CHRNB4: variants seen among roughly 807,000 people sequenced by gnomAD.
CHRNB4 encodes the protein cholinergic receptor nicotinic beta 4 subunit.
Under a neutral mutation model 40.4 loss-of-function variants are expected in CHRNB4, and 23 were observed. The observed-to-expected ratio is 0.57, with a 90% CI of 0.41 to 0.81. CHRNB4 has a LOEUF of 0.81. Among genes scored for constraint, CHRNB4 ranks in the 30% least tolerant of loss-of-function variants. The pLI is 0.00. For missense variants in CHRNB4, 568 were observed against 670.6 expected, an observed-to-expected ratio of 0.85 and a Z score of 1.69; for synonymous variants, 285 against 274.4, an observed-to-expected ratio of 1.04 and a Z score of -0.38.
At chr15:78,631,358 T>C (rs780365404) in intron 2 of CHRNB4, 26 bp from the exon 3 acceptor site, 1 of 1,610,364 alleles carries the variant, frequency 6.2e-7, no homozygotes, top group Non-Finnish European at 8.5e-7. Context: ...GGGCTATCAG[T>C]TCACCAGGAA....
At chr15:78,630,938 C>A in intron 4 of CHRNB4, 138 bp downstream of exon 4, 1 of 682,654 alleles carries the variant, frequency 1.5e-6, no homozygotes, top group Non-Finnish European at 2.6e-6. Flanking sequence ...CTCTGTTTCT[C>A]TTCTAGCTTG....
chr15:78,657,628 A>T (rs1387929664), intron 2 of CHRNB4, among the ~76,000 whole-genome samples: 2 of 150,692 alleles, frequency 1.3e-5, no homozygotes, highest in Non-Finnish European at 3.0e-5. Flanking sequence ...ATCTCGGCTC[A>T]CTGCAAGCTC....
rs764589144 is a variant in CHRNB4, at chr15:78,625,156, G to A, written c.1474C>T (p.Pro492Ser). The change falls in exon 6 of 6, where the codon CCC (proline) becomes TCC (serine). Residue 492 changes from proline (P) to serine (S), a missense_variant. Physicochemically the swap from Pro to Ser is moderately conservative, Grantham distance 74 (BLOSUM62 -1). This residue lies in a region of CHRNB4 where 242 missense variants were observed against 274.9 expected (regional missense o/e 0.88). Transcript: ENST00000261751. ...LFQTHAASEG[P>S]YAAQRD Reference sequence around the variant, plus strand: ...CCTCAGTCACGCTGGGCAGCGTAGGGCCCCTCAGAAGCTGCATGGGTCTGG... The same window carrying A: ...CCTCAGTCACGCTGGGCAGCGTAGGACCCCTCAGAAGCTGCATGGGTCTGG... 6.2e-6 allele frequency: 10 copies of A among 1,613,936 alleles called. No individual in the cohort carries two copies. Among genetic ancestry groups the A allele is most frequent in the African/African-American group, 2.7e-5 (2 of 74,924 alleles).
intron 5 of CHRNB4, chr15:78,627,578 C>T (rs1449776864): frequency 6.6e-6 from 1 of 152,144 alleles, no homozygotes; most frequent in African/African-American, 2.4e-5. Flanking sequence ...AAGAATGAGA[C>T]GTCCACTTTT....
upstream of CHRNB4, among the ~76,000 whole-genome samples, chr15:78,642,283 A>C (rs1056639799): frequency 2.0e-5 from 3 of 152,274 alleles, no homozygotes; most frequent in South Asian, 6.2e-4. Context: ...GATTGAGGGC[A>C]TCCTCTCTTC....
chr15:78,635,609 C>A (rs2053933110), intron 1 of CHRNB4, 22 bp from the exon 2 acceptor site: 1 of 1,612,882 alleles, frequency 6.2e-7, no homozygotes, highest in Non-Finnish European at 8.5e-7. Context: ...CACAGTCAGA[C>A]CTGCTGGGCC....
chr15:78,653,302 C>T (rs1274804060), intron 5 of CHRNB4, among the ~76,000 whole-genome samples: 1 of 152,166 alleles, frequency 6.6e-6, no homozygotes, highest in African/African-American at 2.4e-5. Context: ...CTAAAGGGTT[C>T]ACTCTACCTT....
chr15:78,636,238 A>G (rs907466963), intron 1 of CHRNB4, among the ~76,000 whole-genome samples: 5 of 151,812 alleles, frequency 3.3e-5, no homozygotes, highest in African/African-American at 1.2e-4. Flanking sequence ...CAAGTCCCTC[A>G]GTCTGTTCTC....
In CHRNB4 at chr15:78,629,011, T is replaced by C. The variant is rs201647462; in HGVS notation, c.1294A>G (p.Ser432Gly). Residue 432 changes from serine (S) to glycine (G), a missense_variant, in exon 5 of 6, where the codon AGC (serine) becomes GGC (glycine). Ser to Gly is a moderately conservative substitution (Grantham distance 56). Transcript: ENST00000261751. The surrounding 1 kb of genome is among the most constrained non-coding windows in gnomAD (Gnocchi z 6.8). ...QDVQEALEGV[S>G]FIAQHMKNDD... ...TTCTTCATGTGCTGGGCGATGAAGC[T>C]GACACCTTCTAATGCCTCCTGCACA... The C allele has an allele frequency of 4.3e-6, 7 of 1,614,146 alleles. No homozygotes were observed. In the East Asian group the frequency reaches 1.6e-4, roughly 36 times the overall value.
intron 7 of CHRNB4, among the ~76,000 whole-genome samples, chr15:78,646,420 A>G (rs79963805): frequency 8.7e-4 from 133 of 152,366 alleles, no homozygotes; most frequent in Non-Finnish European, 1.4e-3. Context: ...AAGCATTTAG[A>G]AGCAAACATA....
In CHRNB4 at chr15:78,631,170, G is replaced by T; in HGVS notation, c.265C>A (p.Arg89Ser). Reference protein sequence around the residue: ...VWLKQEWTDYRLTWNSSRYEG... With the variant: ...VWLKQEWTDYSLTWNSSRYEG... ...TAGCGGGAGCTGTTCCAGGTCAGGC[G>T]GTAATCAGTCCATTCCTGGACAGAC... The change falls in exon 4 of 6, where the codon CGC becomes AGC. Residue 89 changes from arginine (R) to serine (S), a missense_variant. By Grantham distance (110) the Arg-to-Ser change is moderately radical. Around this residue, in one of 4 missense-constraint regions of CHRNB4, gnomAD observed 161 missense variants for 148.1 expected, o/e 1.09. Coordinates refer to ENST00000261751, the MANE Select transcript of CHRNB4 (RefSeq NM_000750.5). 6.2e-7 allele frequency: 1 copy of T among 1,614,206 alleles called. No homozygotes were observed. Among genetic ancestry groups the T allele is most frequent in the Non-Finnish European group, 8.5e-7 (1 of 1,180,034 alleles).
chr15:78,659,817 T>A (rs2054238437), intron 1 of CHRNB4, among the ~76,000 whole-genome samples: 1 of 152,234 alleles, frequency 6.6e-6, no homozygotes. Flanking sequence ...GTGACATGAT[T>A]GCTTTAATTG....
At chr15:78,633,606 CCT>C (rs766896399) in intron 2 of CHRNB4, among the ~76,000 whole-genome samples, 43 of 152,148 alleles carry the variant, frequency 2.8e-4, no homozygotes, top group Non-Finnish European at 4.7e-4. Context: ...AAACTTACCC[CCT>C]GAGCTTCCAC....
At chr15:78,630,143 CT>C (rs34925790) in intron 4 of CHRNB4, among the ~76,000 whole-genome samples, 198 bp from the exon 5 acceptor site, 5,331 of 143,116 alleles carry the variant, frequency 0.037, 159 homozygotes, top group African/African-American at 0.08. Flanking sequence ...AAGCACCCCC[CT>C]TTTTTTTTTT....
At chr15:78,650,533 G>A (rs923727255) in intron 6 of CHRNB4, among the ~76,000 whole-genome samples, 1 of 152,194 alleles carries the variant, frequency 6.6e-6, no homozygotes, top group African/African-American at 2.4e-5. Context: ...AACCTGAACT[G>A]CCTTTCTCTG....
intron 6 of CHRNB4, among the ~76,000 whole-genome samples, chr15:78,651,315 C>T (rs953038985): frequency 3.3e-5 from 5 of 152,182 alleles, no homozygotes; most frequent in Admixed American, 3.3e-4. Context: ...TCAAATTCAC[C>T]CCTTGGTTTC....
At chr15:78,648,538 A>T (rs906093610) in intron 7 of CHRNB4, among the ~76,000 whole-genome samples, 1 of 151,582 alleles carries the variant, frequency 6.6e-6, no homozygotes, top group African/African-American at 2.4e-5. Flanking sequence ...GATGGATCAC[A>T]AGGTCAAGAG....
chr15:78,624,851 G>A lies in CHRNB4; in HGVS notation c.*282C>T. On this transcript the variant is annotated 3_prime_UTR_variant, in exon 6 of 6. Transcript: ENST00000261751. ...GAAGCATAGTAGGTGCTGCTACGAA[G>A]TCATCTTTATCCCCATTGCCCGGTG... is the stretch of plus-strand genomic sequence containing the variant. 1.9e-6 allele frequency: 2 copies of A among 1,042,046 alleles called. No individual in the cohort carries two copies. Among genetic ancestry groups the A allele is most frequent in the Non-Finnish European group, 2.7e-6 (2 of 746,342 alleles). 64.5% of individuals were successfully genotyped at this position (1,042,046 alleles called of 1,614,324 possible).
At chr15:78,626,337 C>T (rs1022793344) in intron 5 of CHRNB4, 3 of 109,444 alleles carry the variant, frequency 2.7e-5, no homozygotes, top group Admixed American at 1.0e-4. Context: ...TAATTTCAAG[C>T]GGGGGTGTGT....
Sources: allele counts gnomAD v4.1 joint callset (sites outside exome capture counted in the v4.1 genomes callset), GRCh38; gene constraint gnomAD v4.1.1; regional missense constraint gnomAD v4.1.1; non-coding constraint Gnocchi (gnomAD v3.1); transcripts MANE v1.5; gene names NCBI Gene and HGNC (gene_info 2026-07-23, HGNC 2026-07-21).